The following PLSCR1 variants were observed in gnomAD, a reference collection of about 807,000 sequenced individuals.
PLSCR1 encodes phospholipid scramblase 1.
Under a neutral mutation model 37.8 loss-of-function variants are expected in PLSCR1, and 17 were observed. The observed-to-expected ratio is 0.45, with a 90% CI of 0.31 to 0.68. The LOEUF (loss-of-function observed/expected upper bound fraction) is 0.68, where lower values mean the gene tolerates loss of function less well. PLSCR1 is among the 30% of genes least tolerant of loss of function. The probability of loss-of-function intolerance (pLI) is 0.06; values close to 1 mark genes in which losing one functional copy is unlikely to be tolerated. For synonymous variants in PLSCR1, 116 were observed against 125.9 expected, an observed-to-expected ratio of 0.92 and a Z score of 0.53; for missense variants, 347 against 380.9, an observed-to-expected ratio of 0.91 and a Z score of 0.74.
intron 4 of PLSCR1, among the ~76,000 whole-genome samples, chr3:146,525,867 T>C (rs981681673): frequency 2.0e-5 from 3 of 151,992 alleles, no homozygotes; most frequent in African/African-American, 7.3e-5. Context: ...TTAGGTCAAA[T>C]AAAATTGATT....
rs1287562272 is a variant in PLSCR1 at position 146,515,180 on chromosome 3, T to C, written c.*865A>G. 1.3e-5 allele frequency: 2 copies of C among 152,088 alleles called. No homozygotes were observed. Among genetic ancestry groups the C allele is most frequent in the Non-Finnish European group, 2.9e-5 (2 of 68,002 alleles). The allele number at this position is 152,088 out of a possible 1,614,324, so 9.4% of individuals were successfully genotyped here. ...TTCGTTTAAAAACAAAAATCAAATATACAAAAAAATCAAGTTTTTATTTCA... is the reference window on the plus strand; with the variant it reads ...TTCGTTTAAAAACAAAAATCAAATACACAAAAAAATCAAGTTTTTATTTCA... On this transcript the variant is annotated 3_prime_UTR_variant, in exon 9 of 9. Coordinates refer to ENST00000342435, the MANE Select transcript of PLSCR1 (RefSeq NM_021105.3).
At chr3:146,533,335 A>G in intron 3 of PLSCR1, 135 bp downstream of exon 3, 1 of 450,972 alleles carries the variant, frequency 2.2e-6, no homozygotes. Context: ...CATTAATATA[A>G]TTTTAAAAAA....
At chr3:146,529,413 A>G (rs2044164988) in intron 3 of PLSCR1, among the ~76,000 whole-genome samples, 1 of 152,130 alleles carries the variant, frequency 6.6e-6, no homozygotes, top group Admixed American at 6.5e-5. Flanking sequence ...GCTGCTACAC[A>G]TCTTAAAAGA....
chr3:146,534,852 G>C (rs1205512507), intron 2 of PLSCR1, among the ~76,000 whole-genome samples: 2 of 152,002 alleles, frequency 1.3e-5, no homozygotes, highest in Non-Finnish European at 2.9e-5. Flanking sequence ...CTCCAGCCTG[G>C]GCGACAGAGC....
At chr3:146,522,389 A>G (rs558451954) in intron 5 of PLSCR1, among the ~76,000 whole-genome samples, 4 of 151,330 alleles carry the variant, frequency 2.6e-5, no homozygotes, top group Admixed American at 2.0e-4. Context: ...CTGTAACCCT[A>G]CCCCCCACCC....
intron 5 of PLSCR1, among the ~76,000 whole-genome samples, chr3:146,525,047 T>C (rs1160372431): frequency 4.6e-5 from 7 of 152,224 alleles, no homozygotes; most frequent in African/African-American, 1.7e-4. Flanking sequence ...CAAGGAAATG[T>C]CAGGCCATTC....
chr3:146,538,020 T>G (rs1185007753), intron 1 of PLSCR1: 6 of 152,250 alleles, frequency 3.9e-5, no homozygotes, highest in Admixed American at 3.9e-4. Context: ...AATGGTTGAA[T>G]AATTCAAAAT....
chr3:146,533,526 G>C lies in PLSCR1; in HGVS notation c.38C>G (p.Pro13Arg), dbSNP rs751399559. The change falls in exon 3 of 9, where the codon CCG becomes CGG. Residue 13 changes from proline (P) to arginine (R), a missense_variant. By Grantham distance (103) the Pro-to-Arg change is moderately radical. Coordinates refer to ENST00000342435, the MANE Select transcript of PLSCR1 (RefSeq NM_021105.3). ...KQNSQMNASHPETNLPVGYPP... is the reference protein window; with the variant it reads ...KQNSQMNASHRETNLPVGYPP... ...ATACCCAACTGGCAAGTTTGTTTCC[G>C]GGTGAGAAGCATTCATCTGTGAGTC... 3.1e-6 allele frequency: 5 copies of C among 1,606,164 alleles called. No homozygotes were observed. The South Asian group carries it at 4.4e-5, about 14-fold the overall frequency.
At chr3:146,527,577 G>T (rs955509180) in intron 4 of PLSCR1, among the ~76,000 whole-genome samples, 1 of 152,024 alleles carries the variant, frequency 6.6e-6, no homozygotes, top group African/African-American at 2.4e-5. Context: ...ACAAGTTTCA[G>T]ATTTGTATTA....
chr3:146,541,602 T>C (rs1576800761), intron 1 of PLSCR1, among the ~76,000 whole-genome samples: 1 of 152,246 alleles, frequency 6.6e-6, no homozygotes, highest in East Asian at 1.9e-4. Flanking sequence ...CATCCTTCAG[T>C]GAAATTTGTT....
intron 7 of PLSCR1, among the ~76,000 whole-genome samples, chr3:146,519,393 G>A (rs2043988190): frequency 6.6e-6 from 1 of 152,074 alleles, no homozygotes; most frequent in Non-Finnish European, 1.5e-5. Context: ...AAACACAACA[G>A]TGGCAGGAAT....
rs1263125809 is a variant in PLSCR1, at chr3:146,515,506, A to G, written c.*539T>C. ...ATATGAAAATATTATGGTATAGATTAGCTTCTAGGAGAAGTTAAGTGTAGC... is the reference window on the plus strand; with the variant it reads ...ATATGAAAATATTATGGTATAGATTGGCTTCTAGGAGAAGTTAAGTGTAGC... On this transcript the variant is annotated 3_prime_UTR_variant, in exon 9 of 9. Coordinates refer to ENST00000342435, the MANE Select transcript of PLSCR1 (RefSeq NM_021105.3). 5.3e-5 allele frequency: 8 copies of G among 152,062 alleles called. No individual in the cohort carries two copies. The highest frequency in any genetic ancestry group is 1.4e-4 in the African/African-American group (6 of 41,572). The allele number at this position is 152,062 out of a possible 1,614,324, so 9.4% of individuals were successfully genotyped here. A position where few individuals can be genotyped will look rare whatever the true frequency, so the allele number is the denominator to read the frequency against.
intron 1 of PLSCR1, among the ~76,000 whole-genome samples, chr3:146,543,553 A>G (rs2044364861): frequency 6.6e-6 from 1 of 152,234 alleles, no homozygotes; most frequent in Non-Finnish European, 1.5e-5. Context: ...TAAGCCAGAA[A>G]AAACAACGAC....
intron 1 of PLSCR1, among the ~76,000 whole-genome samples, chr3:146,539,085 A>T (rs941030577): frequency 6.6e-6 from 1 of 152,240 alleles, no homozygotes; most frequent in Admixed American, 6.5e-5. Context: ...GTAATATATA[A>T]CAAAAGGATT....
chr3:146,531,953 G>A (rs2044204870), intron 3 of PLSCR1, among the ~76,000 whole-genome samples: 1 of 152,062 alleles, frequency 6.6e-6, no homozygotes, highest in Non-Finnish European at 1.5e-5. Flanking sequence ...GGGGATAACT[G>A]ACAGTATTTA....
At chr3:146,521,770 A>G in intron 6 of PLSCR1, 63 bp downstream of exon 6, 8 of 1,574,612 alleles carry the variant, frequency 5.1e-6, no homozygotes, top group Non-Finnish European at 7.0e-6. Flanking sequence ...TGAAAGGTTC[A>G]ATGACAGGGC....
chr3:146,532,824 C>A (rs2108655292), intron 3 of PLSCR1, among the ~76,000 whole-genome samples: 1 of 152,222 alleles, frequency 6.6e-6, no homozygotes, highest in South Asian at 2.1e-4. Context: ...TCTCTGAATT[C>A]TTTCAGGCAT....
intron 7 of PLSCR1, among the ~76,000 whole-genome samples, chr3:146,519,274 T>C (rs2043986472): frequency 6.6e-6 from 1 of 152,122 alleles, no homozygotes; most frequent in South Asian, 2.1e-4. Flanking sequence ...ATTTATTGAA[T>C]ACTAATGAAA....
chr3:146,522,652 C>T (rs343314), intron 5 of PLSCR1, among the ~76,000 whole-genome samples: 11,697 of 152,140 alleles, frequency 0.077, 483 homozygotes, highest in Middle Eastern at 0.11. Flanking sequence ...AAGGGAAAGA[C>T]CTGACCGTCC....
Sources: gnomAD v4.1 joint callset for allele counts (sites outside exome capture counted in the v4.1 genomes callset) on GRCh38, gnomAD v4.1.1 for gene constraint, MANE v1.5 for transcripts, NCBI Gene and HGNC (gene_info 2026-07-23, HGNC 2026-07-21) for gene names.